Variants in DCDC2C observed in about 807,000 individuals in gnomAD.
The protein encoded by DCDC2C is doublecortin domain containing 2C.
A neutral mutation model predicts 45.0 loss-of-function variants in DCDC2C; 44 were observed. The observed-to-expected ratio is 0.98, with a 90% CI of 0.77 to 1.26. The LOEUF (loss-of-function observed/expected upper bound fraction) is 1.26, where lower values mean the gene tolerates loss of function less well. DCDC2C is among the 50% of genes most tolerant of loss of function. DCDC2C has a pLI of 0.00. For synonymous variants in DCDC2C, 187 were observed against 178.8 expected (o/e 1.05, Z -0.37); for missense variants, 447 against 468.9 (o/e 0.95, Z 0.43).
At chr2:3,733,364 C>G (rs113109475) in intron 3 of DCDC2C, among the ~76,000 whole-genome samples, 3,195 of 152,274 alleles carry the variant, frequency 0.021, 117 homozygotes, top group African/African-American at 0.074. Context: ...TTGTACCTTT[C>G]TGGGATGAGT....
intron 2 of DCDC2C, among the ~76,000 whole-genome samples, chr2:3,718,978 T>C (rs1343597931): frequency 1.3e-5 from 2 of 152,200 alleles, no homozygotes; most frequent in African/African-American, 2.4e-5. Context: ...TACAACCCTC[T>C]TGTAAGACAG....
chr2:3,835,370 A>G (rs1672049254), intron 10 of DCDC2C, among the ~76,000 whole-genome samples: 1 of 152,244 alleles, frequency 6.6e-6, no homozygotes, highest in African/African-American at 2.4e-5. Context: ...ATAAAAGAAC[A>G]TGGAAATCCT....
At chr2:3,810,064 G>A (rs1671355900) in intron 10 of DCDC2C, among the ~76,000 whole-genome samples, 1 of 152,186 alleles carries the variant, frequency 6.6e-6, no homozygotes, top group Non-Finnish European at 1.5e-5. Flanking sequence ...ACGTGTGCAT[G>A]TTTCTTTATA....
At chr2:3,792,767 A>C (rs1042681575) in intron 10 of DCDC2C, among the ~76,000 whole-genome samples, 2 of 152,242 alleles carry the variant, frequency 1.3e-5, no homozygotes, top group African/African-American at 2.4e-5. Context: ...TGACAGCCAT[A>C]TTTTGGAGAA....
intron 10 of DCDC2C, 142 bp from the exon 11 acceptor site, chr2:3,847,012 T>TGCCCC: frequency 5.8e-6 from 2 of 343,818 alleles, no homozygotes; most frequent in Non-Finnish European, 1.0e-5. Context: ...AGGTCCCAGG[T>TGCCCC]CCCACCCCAC....
chr2:3,815,670 G>A (rs770265308), intron 10 of DCDC2C, among the ~76,000 whole-genome samples: 2 of 152,150 alleles, frequency 1.3e-5, no homozygotes, highest in African/African-American at 4.8e-5. Flanking sequence ...ATAGGGATGG[G>A]GCCGTTTTAT....
At chr2:3,739,963 A>G (rs1013342032) in intron 3 of DCDC2C, among the ~76,000 whole-genome samples, 1 of 152,142 alleles carries the variant, frequency 6.6e-6, no homozygotes, top group African/African-American at 2.4e-5. Context: ...AGTTTTGAGC[A>G]GTGGGGCACT....
chr2:3,718,912 T>G (rs941891833), intron 2 of DCDC2C, among the ~76,000 whole-genome samples: 2 of 152,170 alleles, frequency 1.3e-5, no homozygotes, highest in Non-Finnish European at 2.9e-5. Flanking sequence ...TACAGAGCGC[T>G]GATTAGTGTG....
At chr2:3,748,038 C>G (rs6726312) in intron 4 of DCDC2C, among the ~76,000 whole-genome samples, 5,759 of 152,172 alleles carry the variant, frequency 0.038, 376 homozygotes, top group African/African-American at 0.13. Context: ...AGGCACACAG[C>G]CTTTGTGGTG....
At chr2:3,765,098 C>G (rs1669978082) in intron 6 of DCDC2C, among the ~76,000 whole-genome samples, 1 of 152,166 alleles carries the variant, frequency 6.6e-6, no homozygotes, top group Non-Finnish European at 1.5e-5. Flanking sequence ...CCAAATAGTT[C>G]AGATAAAATA....
chr2:3,828,654 C>T (rs1200033797), intron 10 of DCDC2C, among the ~76,000 whole-genome samples: 1 of 152,232 alleles, frequency 6.6e-6, no homozygotes, highest in Non-Finnish European at 1.5e-5. Flanking sequence ...GAGCCCATTT[C>T]ACACTTCACT....
intron 10 of DCDC2C, among the ~76,000 whole-genome samples, chr2:3,810,694 T>C (rs1486760424): frequency 6.6e-6 from 1 of 152,234 alleles, no homozygotes; most frequent in Non-Finnish European, 1.5e-5. Context: ...GGTTTTCTTC[T>C]AGGGTTTTTA....
At chr2:3,778,428 G>A (rs1403247525) in intron 8 of DCDC2C, among the ~76,000 whole-genome samples, 2 of 152,210 alleles carry the variant, frequency 1.3e-5, no homozygotes, top group Non-Finnish European at 1.5e-5. Context: ...ACCATGGAGA[G>A]TGAGAACCCA....
intron 10 of DCDC2C, among the ~76,000 whole-genome samples, chr2:3,835,974 C>A (rs901349665): frequency 3.3e-5 from 5 of 152,074 alleles, no homozygotes; most frequent in African/African-American, 1.2e-4. Flanking sequence ...GAACTCCTGG[C>A]CTCACATGAT....
chr2:3,729,954 C>T (rs978472598), intron 3 of DCDC2C, among the ~76,000 whole-genome samples: 2 of 152,150 alleles, frequency 1.3e-5, no homozygotes, highest in African/African-American at 4.8e-5. Flanking sequence ...AACTCAGTCC[C>T]TCCTCTTGTT....
At chr2:3,810,039 T>C (rs1234519625) in intron 10 of DCDC2C, among the ~76,000 whole-genome samples, 9 of 152,236 alleles carry the variant, frequency 5.9e-5, no homozygotes, top group Admixed American at 5.9e-4. Context: ...TTGTAAATAG[T>C]GCTGCAATAA....
Position 3,734,776 on chromosome 2 carries a change from T to G in DCDC2C, c.417-7144T>G, listed in dbSNP as rs963193990. On this transcript the variant is annotated intron_variant, in intron 3 of 10. Transcript: ENST00000399143. This position sits in a 1 kb window ranked among gnomAD's most constrained non-coding sequence, Gnocchi z 4.2. ...CGTTTTTATGTTTTGGGGAGAAGACTCCAAGACATGATCCTCTCCTTCATG... is the reference window on the plus strand; with the variant it reads ...CGTTTTTATGTTTTGGGGAGAAGACGCCAAGACATGATCCTCTCCTTCATG... 6.6e-6 allele frequency among the ~76,000 whole-genome samples: 1 copy of G among 152,094 alleles called. No individual in the cohort carries two copies. The highest frequency in any genetic ancestry group is 2.4e-5 in the African/African-American group (1 of 41,412).
intron 6 of DCDC2C, among the ~76,000 whole-genome samples, chr2:3,754,931 G>T (rs1161734944): frequency 3.3e-5 from 5 of 152,220 alleles, no homozygotes; most frequent in African/African-American, 1.2e-4. Flanking sequence ...ACTTTTACGG[G>T]ACAGGGAGGA....
intron 10 of DCDC2C, among the ~76,000 whole-genome samples, chr2:3,846,564 A>T (rs1456112124): frequency 6.6e-6 from 1 of 152,174 alleles, no homozygotes; most frequent in African/African-American, 2.4e-5. Flanking sequence ...AACACTCTGA[A>T]CATTTTACTA....
Sources: gnomAD v4.1 joint callset for allele counts (sites outside exome capture counted in the v4.1 genomes callset) on GRCh38, gnomAD v4.1.1 for gene constraint, Gnocchi (gnomAD v3.1) non-coding constraint, MANE v1.5 for transcripts, NCBI Gene and HGNC (gene_info 2026-07-23, HGNC 2026-07-21) for gene names.